Variants in TYW1B observed in about 807,000 individuals in gnomAD.
TYW1B encodes S-adenosyl-L-methionine-dependent tRNA 4-demethylwyosine synthase TYW1B.
A neutral mutation model predicts 86.9 loss-of-function variants in TYW1B; 73 were observed. The observed-to-expected ratio is 0.84, with a 90% CI of 0.70 to 1.02. TYW1B has a LOEUF of 1.02. TYW1B is among the 50% of genes least tolerant of loss of function. The probability of loss-of-function intolerance (pLI) is 0.00; values close to 1 mark genes in which losing one functional copy is unlikely to be tolerated. For synonymous variants in TYW1B, 248 were observed against 292.8 expected (o/e 0.85, Z 1.56); for missense variants, 637 against 827.4 (o/e 0.77, Z 2.82).
Position 72,746,080 on chromosome 7 carries a change from T to C in TYW1B, c.965-1479A>G, listed in dbSNP as rs1787389551. 2.6e-5 allele frequency among the ~76,000 whole-genome samples: 4 copies of C among 152,202 alleles called. No individual in the cohort carries two copies. The South Asian group carries it at 8.3e-4, about 32-fold the overall frequency. Reference sequence around the variant, plus strand: ...GGTTTTGCCATATTGGTCAGGCTGGTCTTGAACTCCTGACCTCAAGTGATC... The same window carrying C: ...GGTTTTGCCATATTGGTCAGGCTGGCCTTGAACTCCTGACCTCAAGTGATC... On this transcript the variant is annotated intron_variant, in intron 7 of 13. Coordinates refer to ENST00000620995, the MANE Select transcript of TYW1B (RefSeq NM_001145440.3).
chr7:72,721,606 TCACACA>T (rs530269832), intron 9 of TYW1B, among the ~76,000 whole-genome samples: 1 of 150,254 alleles, frequency 6.7e-6, no homozygotes, highest in South Asian at 2.1e-4. Flanking sequence ...TATCTCACAC[TCACACA>T]CACACACACA....
intron 13 of TYW1B, among the ~76,000 whole-genome samples, chr7:72,597,751 T>C (rs1307965504): frequency 6.6e-6 from 1 of 152,148 alleles, no homozygotes; most frequent in East Asian, 1.9e-4. Context: ...AAATGCACAA[T>C]ATTCTAGAAA....
chr7:72,647,611 A>G (rs1812959981), intron 11 of TYW1B, among the ~76,000 whole-genome samples: 1 of 152,182 alleles, frequency 6.6e-6, no homozygotes, highest in South Asian at 2.1e-4. Context: ...TGACTCTCAG[A>G]AAGAGGGAGA....
At chr7:72,778,407 A>G (rs190152144) in intron 6 of TYW1B, among the ~76,000 whole-genome samples, 111 of 152,304 alleles carry the variant, frequency 7.3e-4, no homozygotes, top group African/African-American at 2.5e-3. Flanking sequence ...CTCAGAGACC[A>G]AGTTACCCCA....
At chr7:72,711,067 AC>A (rs1554454652) in intron 10 of TYW1B, among the ~76,000 whole-genome samples, 1 of 151,842 alleles carries the variant, frequency 6.6e-6, no homozygotes, top group African/African-American at 2.4e-5. Flanking sequence ...CACAGATAAG[AC>A]CCCTGGGGCA....
chr7:72,722,275 A>ACC (rs1258971013), intron 9 of TYW1B, among the ~76,000 whole-genome samples: 10 of 152,190 alleles, frequency 6.6e-5, no homozygotes, highest in Admixed American at 6.5e-4. Flanking sequence ...CTTCTAGCCT[A>ACC]AAGTATAGAT....
chr7:72,605,631 T>C lies in TYW1B; in HGVS notation c.1785+11041A>G, dbSNP rs565459219. 2.2e-3 allele frequency among the ~76,000 whole-genome samples: 340 copies of C among 152,196 alleles called. 3 individuals are homozygous for C. The highest frequency in any genetic ancestry group is 1.6e-3 in the Non-Finnish European group (111 of 68,000). The stretch of plus-strand genomic sequence containing the variant: ...CCTCCCAAAGTGCTGGGATTACAGG[T>C]GTGAGCCACCGTGCCTGGCCACATC... On this transcript the variant is annotated intron_variant, in intron 13 of 13. Coordinates refer to ENST00000620995, the MANE Select transcript of TYW1B (RefSeq NM_001145440.3).
intron 7 of TYW1B, among the ~76,000 whole-genome samples, chr7:72,768,323 C>G (rs1787807372): frequency 6.6e-6 from 1 of 152,132 alleles, no homozygotes. Context: ...TGTCCGCCCC[C>G]TCGGCCACTG....
intron 13 of TYW1B, among the ~76,000 whole-genome samples, chr7:72,578,475 A>G (rs1292382188): frequency 6.6e-6 from 1 of 152,168 alleles, no homozygotes; most frequent in Non-Finnish European, 1.5e-5. Flanking sequence ...CACCTGGTCT[A>G]CTGACATCTT....
chr7:72,576,654 T>C (rs1554428601), intron 13 of TYW1B, among the ~76,000 whole-genome samples: 1 of 151,982 alleles, frequency 6.6e-6, no homozygotes, highest in Non-Finnish European at 1.5e-5. Flanking sequence ...CTGGGACTCT[T>C]GGCTCCCGCT....
At chr7:72,751,385 T>C (rs1787497999) in intron 7 of TYW1B, among the ~76,000 whole-genome samples, 1 of 152,320 alleles carries the variant, frequency 6.6e-6, no homozygotes, top group South Asian at 2.1e-4. Context: ...AATCGTACTA[T>C]TGATCTGTTA....
intron 13 of TYW1B, among the ~76,000 whole-genome samples, chr7:72,591,169 A>G (rs1811386805): frequency 6.6e-6 from 1 of 152,062 alleles, no homozygotes; most frequent in South Asian, 2.1e-4. Flanking sequence ...AAAGAAAAGA[A>G]AAAAAGTGAA....
intron 11 of TYW1B, among the ~76,000 whole-genome samples, chr7:72,633,892 G>T (rs1179774320): frequency 6.6e-6 from 1 of 152,006 alleles, no homozygotes; most frequent in Non-Finnish European, 1.5e-5. Context: ...AGTTTTGCCT[G>T]TTTAAGGAAA....
At chr7:72,670,885 G>A (rs1284208808) in intron 11 of TYW1B, among the ~76,000 whole-genome samples, 5 of 152,076 alleles carry the variant, frequency 3.3e-5, no homozygotes, top group Non-Finnish European at 1.5e-5. Context: ...GAATATTTAG[G>A]GAAAATAAAT....
intron 13 of TYW1B, among the ~76,000 whole-genome samples, chr7:72,577,901 C>T (rs1238845118): frequency 3.3e-5 from 5 of 152,112 alleles, no homozygotes; most frequent in South Asian, 2.1e-4. Context: ...CCTGTTAGTT[C>T]GGTTGCAGTG....
At chr7:72,657,995 C>T (rs568332834) in intron 11 of TYW1B, among the ~76,000 whole-genome samples, 2 of 152,258 alleles carry the variant, frequency 1.3e-5, no homozygotes, top group African/African-American at 4.8e-5. Flanking sequence ...GTGGCTCGCA[C>T]CTGTAATCCC....
intron 11 of TYW1B, among the ~76,000 whole-genome samples, chr7:72,659,629 A>C (rs1813284418): frequency 6.6e-6 from 1 of 152,186 alleles, no homozygotes; most frequent in South Asian, 2.1e-4. Context: ...GTAAGAGGCA[A>C]GTTGAGGTCA....
At chr7:72,646,986 T>A (rs1290354507) in intron 11 of TYW1B, among the ~76,000 whole-genome samples, 69 of 152,340 alleles carry the variant, frequency 4.5e-4, no homozygotes, top group Admixed American at 2.4e-3. Context: ...ATGAGGTTAT[T>A]ATAACCCAGG....
At chr7:72,586,166 G>T (rs1415908045) in intron 13 of TYW1B, among the ~76,000 whole-genome samples, 2 of 152,198 alleles carry the variant, frequency 1.3e-5, no homozygotes. Context: ...GAGTCTAGGA[G>T]AATTCCATGC....
Sources: gnomAD v4.1 joint callset for allele counts (sites outside exome capture counted in the v4.1 genomes callset) on GRCh38, gnomAD v4.1.1 for gene constraint, MANE v1.5 for transcripts, NCBI Gene and HGNC (gene_info 2026-07-23, HGNC 2026-07-21) for gene names.